Variants in NRF1 observed in about 807,000 individuals in gnomAD.
NRF1 encodes nuclear respiratory factor 1, also known as alpha palindromic-binding protein.
NRF1 carries 5 observed loss-of-function variants against 58.5 expected under a neutral mutation model. That is an observed-to-expected ratio of 0.09 (90% CI 0.04 to 0.18). NRF1 has a LOEUF of 0.18. Ranked by LOEUF, NRF1 falls within the 10% of genes least tolerant of loss-of-function variation. The pLI is 1.00. For missense variants in NRF1, 288 were observed against 657.7 expected, an observed-to-expected ratio of 0.44 and a Z score of 6.15; for synonymous variants, 224 against 246.7, an observed-to-expected ratio of 0.91 and a Z score of 0.86.
chr7:129,699,488 C>T (rs1246881804), intron 5 of NRF1, among the ~76,000 whole-genome samples: 2 of 152,016 alleles, frequency 1.3e-5, no homozygotes, highest in South Asian at 2.1e-4. Flanking sequence ...CCAAGGCAAG[C>T]GGATCACTTG....
intron 9 of NRF1, among the ~76,000 whole-genome samples, chr7:129,723,455 A>C (rs1803379525): frequency 6.6e-6 from 1 of 152,132 alleles, no homozygotes; most frequent in Admixed American, 6.5e-5. Context: ...AAAAAAAAAA[A>C]AAAATTTTTT....
intron 9 of NRF1, among the ~76,000 whole-genome samples, chr7:129,721,480 C>CTT (rs1177344971): frequency 1.2e-4 from 16 of 137,820 alleles, no homozygotes; most frequent in Admixed American, 2.2e-4. Flanking sequence ...TGCTCTTAGT[C>CTT]TTTTTTTTTT....
At chr7:129,626,354 T>C (rs1327885727) in intron 1 of NRF1, among the ~76,000 whole-genome samples, 2 of 152,164 alleles carry the variant, frequency 1.3e-5, no homozygotes, top group Non-Finnish European at 2.9e-5. Context: ...CTCCGATTTT[T>C]TTTGCGTTCT....
intron 1 of NRF1, among the ~76,000 whole-genome samples, chr7:129,649,482 A>G (rs762700940): frequency 2.0e-4 from 31 of 152,206 alleles, no homozygotes; most frequent in Admixed American, 3.3e-4. Context: ...TTCTGCTTTG[A>G]TTTTTAAAAT....
intron 1 of NRF1, among the ~76,000 whole-genome samples, chr7:129,618,175 G>T (rs1800695289): frequency 6.6e-6 from 1 of 150,676 alleles, no homozygotes; most frequent in Admixed American, 6.6e-5. Context: ...ATTGAGTAAA[G>T]AGTTAAAGAT....
At chr7:129,664,830 T>C (rs894043879) in intron 2 of NRF1, among the ~76,000 whole-genome samples, 3 of 152,236 alleles carry the variant, frequency 2.0e-5, no homozygotes, top group African/African-American at 7.2e-5. Flanking sequence ...AGTACATATA[T>C]GTAACCTATG....
intron 1 of NRF1, among the ~76,000 whole-genome samples, chr7:129,615,670 A>G (rs1051004465): frequency 1.3e-5 from 2 of 152,218 alleles, no homozygotes; most frequent in Admixed American, 6.5e-5. Context: ...TTTTAGAAAC[A>G]TTTTATTTAG....
intron 1 of NRF1, among the ~76,000 whole-genome samples, chr7:129,612,402 C>G (rs1216590740): frequency 6.6e-6 from 1 of 152,192 alleles, no homozygotes; most frequent in Non-Finnish European, 1.5e-5. Flanking sequence ...AAGCTTCCCT[C>G]CTGCCGGGGT....
chr7:129,686,707 G>A (rs551982879), intron 4 of NRF1, among the ~76,000 whole-genome samples: 54 of 152,340 alleles, frequency 3.5e-4, no homozygotes, highest in African/African-American at 1.2e-3. Flanking sequence ...AATGGCAGTG[G>A]TATACAAGAT....
chr7:129,669,321 AT>A (rs1436949727), intron 2 of NRF1, among the ~76,000 whole-genome samples: 2 of 152,170 alleles, frequency 1.3e-5, no homozygotes, highest in Non-Finnish European at 2.9e-5. Context: ...ACTTCACTAT[AT>A]GCAAATTTTA....
At chr7:129,725,010 A>G (rs1803417445) in intron 9 of NRF1, among the ~76,000 whole-genome samples, 1 of 152,222 alleles carries the variant, frequency 6.6e-6, no homozygotes, top group East Asian at 1.9e-4. Context: ...CGGGAATTCA[A>G]GACCAGCCTG....
intron 5 of NRF1, among the ~76,000 whole-genome samples, chr7:129,697,757 C>G (rs1249285516): frequency 3.1e-5 from 4 of 130,684 alleles, no homozygotes; most frequent in Non-Finnish European, 5.2e-5. Context: ...GTTTTTGAGA[C>G]AGAGTCTCAC....
intron 3 of NRF1, among the ~76,000 whole-genome samples, chr7:129,675,978 A>G (rs1001345590): frequency 1.3e-5 from 2 of 152,302 alleles, no homozygotes; most frequent in East Asian, 3.9e-4. Context: ...TAGTGTAGCC[A>G]CTTATCTAGA....
Position 129,741,627 on chromosome 7 carries a change from T to C in NRF1, c.1349-13391T>C, listed in dbSNP as rs1227615625. Among the ~76,000 whole-genome samples, 1 of 152,226 alleles carries C rather than the reference T, an allele frequency of 6.6e-6. No individual in the cohort carries two copies. Among genetic ancestry groups the C allele is most frequent in the African/African-American group, 2.4e-5 (1 of 41,462 alleles). ...ATCACTGTTCACACAGGAATCACAA[T>C]ATTAGAACAGGAAAAATTCTTATAA... On this transcript the variant is annotated intron_variant, in intron 10 of 10. Coordinates refer to ENST00000393232, the MANE Select transcript of NRF1 (RefSeq NM_005011.5). This position sits in a 1 kb window ranked among gnomAD's most constrained non-coding sequence, Gnocchi z 4.0.
At chr7:129,676,544 A>T (rs1802183157) in intron 3 of NRF1, among the ~76,000 whole-genome samples, 1 of 152,270 alleles carries the variant, frequency 6.6e-6, no homozygotes. Flanking sequence ...CAGAACACAC[A>T]CAACATTTAT....
intron 10 of NRF1, chr7:129,744,167 T>C (rs756898281): frequency 6.5e-7 from 1 of 1,546,052 alleles, no homozygotes. Flanking sequence ...TCTGTGTTAT[T>C]GTCAGGCCTC....
chr7:129,692,824 A>C (rs1213833953), intron 5 of NRF1, among the ~76,000 whole-genome samples: 1 of 152,138 alleles, frequency 6.6e-6, no homozygotes, highest in Non-Finnish European at 1.5e-5. Context: ...CCTTTGCCTG[A>C]GTATTGTTCT....
chr7:129,746,159 A>G (rs1803970824), intron 10 of NRF1, among the ~76,000 whole-genome samples: 1 of 152,252 alleles, frequency 6.6e-6, no homozygotes, highest in African/African-American at 2.4e-5. Flanking sequence ...CCCCAAATGT[A>G]CCCAAAAGCT....
At chr7:129,743,089 A>T (rs918376485) in intron 10 of NRF1, among the ~76,000 whole-genome samples, 22 of 151,988 alleles carry the variant, frequency 1.4e-4, no homozygotes, top group African/African-American at 5.3e-4. Context: ...CCTTCCAGCC[A>T]TGTTACCTAG....
Sources: allele counts gnomAD v4.1 joint callset (sites outside exome capture counted in the v4.1 genomes callset), GRCh38; gene constraint gnomAD v4.1.1; non-coding constraint Gnocchi (gnomAD v3.1); transcripts MANE v1.5; gene names NCBI Gene and HGNC (gene_info 2026-07-23, HGNC 2026-07-21).